Variants in LARGE1 observed in about 807,000 individuals in gnomAD.
The protein encoded by LARGE1 is LARGE xylosyl- and glucuronyltransferase 1.
A neutral mutation model predicts 87.6 loss-of-function variants in LARGE1; 43 were observed. The ratio of observed to expected loss-of-function variants is 0.49; its 90% confidence interval spans 0.38 to 0.63. LARGE1 has a LOEUF of 0.63. LARGE1 is among the 30% of genes least tolerant of loss of function. The pLI, the probability that LARGE1 is intolerant of heterozygous loss-of-function variation, is 0.00. For missense variants in LARGE1, 802 were observed against 1,000.2 expected (o/e 0.80, Z 2.67); for synonymous variants, 434 against 394.6 (o/e 1.10, Z -1.18).
rs1375651712 is a variant in LARGE1, at chr22:33,746,907, A to G, written c.106+14464T>C. Reference sequence around the variant, plus strand: ...GCACTTAATCCAGGTCAAACTTCTCAAGTGGGCCAGAAGAGAGGCACTTGT... The same window carrying G: ...GCACTTAATCCAGGTCAAACTTCTCGAGTGGGCCAGAAGAGAGGCACTTGT... On this transcript the variant is annotated intron_variant, in intron 2 of 14. Transcript: ENST00000397394. Among the ~76,000 whole-genome samples the G allele has an allele frequency of 3.3e-5, 5 of 152,226 alleles. No homozygotes were observed. The East Asian group carries it at 9.7e-4, about 29-fold the overall frequency.
rs1201214075 is a variant in LARGE1 at position 33,412,073 on chromosome 22, C to T, written c.892+20088G>A. 2.0e-5 allele frequency among the ~76,000 whole-genome samples: 3 copies of T among 152,148 alleles called. No homozygotes were observed. In the East Asian group the frequency reaches 5.8e-4, roughly 29 times the overall value. ...CTGAGGCGGGCAGATCACTTGAGGT[C>T]AGGAGTTCGAGACCAGCCTGGCCAA... On this transcript the variant is annotated intron_variant, in intron 7 of 14. Transcript: ENST00000397394.
At chr22:33,669,512 C>G (rs192905994) in intron 2 of LARGE1, among the ~76,000 whole-genome samples, 7 of 152,202 alleles carry the variant, frequency 4.6e-5, no homozygotes, top group Admixed American at 1.3e-4. Context: ...TTCTTTTGGT[C>G]TGGAGGAGGA....
chr22:33,887,234 G>T (rs968576034), intron 1 of LARGE1, among the ~76,000 whole-genome samples: 2 of 152,170 alleles, frequency 1.3e-5, no homozygotes, highest in Non-Finnish European at 2.9e-5. Flanking sequence ...GCCTTTGGGA[G>T]CTGTTCATAC....
At chr22:33,445,031 T>A (rs1272951464) in intron 6 of LARGE1, among the ~76,000 whole-genome samples, 1 of 152,146 alleles carries the variant, frequency 6.6e-6, no homozygotes, top group Admixed American at 6.5e-5. Context: ...GGTTTCGCCA[T>A]GTCAGTCAGG....
At chr22:33,869,427 A>T (rs1288272462) in intron 1 of LARGE1, among the ~76,000 whole-genome samples, 2 of 152,168 alleles carry the variant, frequency 1.3e-5, no homozygotes, top group Non-Finnish European at 2.9e-5. Context: ...CTCCATTCTG[A>T]CTGCAAAGCA....
chr22:33,403,710 T>C (rs1158390559), intron 7 of LARGE1, among the ~76,000 whole-genome samples: 1 of 152,072 alleles, frequency 6.6e-6, no homozygotes, highest in Non-Finnish European at 1.5e-5. Flanking sequence ...TTCAAGCGAT[T>C]CTCCTGCCTC....
chr22:33,748,006 G>A (rs1167333738), intron 2 of LARGE1, among the ~76,000 whole-genome samples: 1 of 123,638 alleles, frequency 8.1e-6, no homozygotes, highest in South Asian at 2.6e-4. Context: ...ATGGGGCACT[G>A]TGTGCCCTCT....
intron 11 of LARGE1, among the ~76,000 whole-genome samples, chr22:33,241,922 GCTTTAGTGATCTATT>G (rs142124743): frequency 0.073 from 11,071 of 152,080 alleles, 896 homozygotes; most frequent in African/African-American, 0.2. Flanking sequence ...AGAGGAATCA[GCTTTAGTGATCTATT>G]TCACAGAATG....
At chr22:33,490,103 T>G (rs1403530804) in intron 6 of LARGE1, among the ~76,000 whole-genome samples, 2 of 152,262 alleles carry the variant, frequency 1.3e-5, no homozygotes, top group Non-Finnish European at 2.9e-5. Context: ...TAGGCATAAT[T>G]ACTTGCTCCC....
At chr22:33,188,094 A>G (rs1437183762) in intron 11 of LARGE1, among the ~76,000 whole-genome samples, 2 of 151,956 alleles carry the variant, frequency 1.3e-5, no homozygotes, top group Non-Finnish European at 2.9e-5. Context: ...TATAATAAAC[A>G]TACTCAACTT....
chr22:33,206,096 A>G (rs980886594), intron 11 of LARGE1, among the ~76,000 whole-genome samples: 2 of 151,880 alleles, frequency 1.3e-5, no homozygotes, highest in African/African-American at 4.8e-5. Flanking sequence ...CTGGGACTAC[A>G]GGCGCCCGCC....
chr22:33,598,243 T>G (rs1122905), intron 5 of LARGE1, among the ~76,000 whole-genome samples: 12,951 of 152,216 alleles, frequency 0.085, 684 homozygotes, highest in African/African-American at 0.14. Flanking sequence ...ACATGATTTG[T>G]AGTTAGTTAA....
In LARGE1 at chr22:33,770,715, G is replaced by A. The variant is rs1452827301; in HGVS notation, c.-82-9157C>T. 5.3e-5 allele frequency among the ~76,000 whole-genome samples: 8 copies of A among 152,072 alleles called. No homozygotes were observed. The East Asian group carries it at 1.5e-3, about 29-fold the overall frequency. On this transcript the variant is annotated intron_variant, in intron 1 of 14. Transcript: ENST00000397394. Reference sequence around the variant, plus strand: ...AATAGAAAATAAAAAAGCAAAAAAGGTGAAAGGCAATATCCTATATTGCTA... The same window carrying A: ...AATAGAAAATAAAAAAGCAAAAAAGATGAAAGGCAATATCCTATATTGCTA...
chr22:33,826,496 C>T lies in LARGE1; in HGVS notation c.-82-64938G>A, dbSNP rs140496719. Among the ~76,000 whole-genome samples, 1,373 of 152,178 alleles carry T rather than the reference C, an allele frequency of 9.0e-3. 14 individuals carry two copies. The highest frequency in any genetic ancestry group is 0.031 in the African/African-American group (1,307 of 41,512). On this transcript the variant is annotated intron_variant, in intron 1 of 14. Coordinates refer to ENST00000397394, the MANE Select transcript of LARGE1 (RefSeq NM_133642.5). ...TAGCTGGGATTACAGGCATCCACCA[C>T]CGCACCCGGCTAATTTTTGTATTTT...
intron 9 of LARGE1, among the ~76,000 whole-genome samples, chr22:33,378,691 C>T (rs1408934642): frequency 1.3e-5 from 2 of 152,184 alleles, no homozygotes; most frequent in Non-Finnish European, 2.9e-5. Context: ...TTCTTCAACA[C>T]TAGCTGGGTC....
chr22:33,841,412 G>A (rs955801447), intron 1 of LARGE1, among the ~76,000 whole-genome samples: 3 of 152,224 alleles, frequency 2.0e-5, no homozygotes, highest in Non-Finnish European at 4.4e-5. Context: ...GGGTCCAGGA[G>A]ATGGCCTGGT....
At chr22:33,254,865 G>A (rs1380818996) in intron 11 of LARGE1, among the ~76,000 whole-genome samples, 1 of 151,992 alleles carries the variant, frequency 6.6e-6, no homozygotes, top group Non-Finnish European at 1.5e-5. Flanking sequence ...GCTGGAGGTG[G>A]TGACATAAAA....
chr22:33,782,638 G>A (rs375795318), intron 1 of LARGE1, among the ~76,000 whole-genome samples: 14 of 151,930 alleles, frequency 9.2e-5, no homozygotes, highest in African/African-American at 1.2e-4. Context: ...AGGCCGAGGC[G>A]GGCGCATCAC....
At chr22:33,771,284 A>T (rs2085061650) in intron 1 of LARGE1, among the ~76,000 whole-genome samples, 1 of 150,764 alleles carries the variant, frequency 6.6e-6, no homozygotes, top group Non-Finnish European at 1.5e-5. Context: ...TTTGTTTCAG[A>T]CTGCAGTAGC....
Sources: gnomAD v4.1 joint callset for allele counts (sites outside exome capture counted in the v4.1 genomes callset) on GRCh38, gnomAD v4.1.1 for gene constraint, MANE v1.5 for transcripts, NCBI Gene and HGNC (gene_info 2026-07-23, HGNC 2026-07-21) for gene names.